The following OLFML1 variants were observed in gnomAD, a reference collection of about 807,000 sequenced individuals.
The protein encoded by OLFML1 is olfactomedin-like protein 1.
OLFML1 carries 33 observed loss-of-function variants against 37.3 expected under a neutral mutation model. The ratio of observed to expected loss-of-function variants is 0.88; its 90% CI spans 0.67 to 1.18. The LOEUF (loss-of-function observed/expected upper bound fraction) is 1.18. Among genes scored for constraint, OLFML1 ranks in the 50% most tolerant of loss-of-function variants. The pLI is 0.00. For synonymous variants in OLFML1, 186 were observed against 181.3 expected (o/e 1.03, Z -0.21); for missense variants, 545 against 483.7 (o/e 1.13, Z -1.19).
chr11:7,490,133 G>C (rs900721511), intron 2 of OLFML1, among the ~76,000 whole-genome samples: 46 of 74,738 alleles, frequency 6.2e-4, no homozygotes, highest in Admixed American at 3.9e-3. Flanking sequence ...AGGCTTTGGT[G>C]GGGGGGGGGG....
intron 2 of OLFML1, among the ~76,000 whole-genome samples, chr11:7,494,377 C>T (rs1165703067): frequency 6.6e-6 from 1 of 152,238 alleles, no homozygotes; most frequent in Non-Finnish European, 1.5e-5. Context: ...ATGTACCACA[C>T]ATAATCCTTA....
At chr11:7,488,755 T>C (rs145385207) in intron 2 of OLFML1, 267 of 184,856 alleles carry the variant, frequency 1.4e-3, no homozygotes, top group Non-Finnish European at 2.3e-3. Context: ...AGCAGTTTGG[T>C]GGATTCTACA....
At chr11:7,508,797 A>G (rs368800430) in intron 2 of OLFML1, among the ~76,000 whole-genome samples, 7 of 152,184 alleles carry the variant, frequency 4.6e-5, no homozygotes, top group African/African-American at 9.7e-5. Context: ...TTTTATCCTC[A>G]ATACTTAGCA....
chr11:7,487,805 G>A (rs1848542350), intron 1 of OLFML1, among the ~76,000 whole-genome samples: 1 of 151,918 alleles, frequency 6.6e-6, no homozygotes, highest in Non-Finnish European at 1.5e-5. Context: ...TAAAGTTATG[G>A]TATAGGTATA....
chr11:7,506,240 A>T (rs1026807273), intron 2 of OLFML1, among the ~76,000 whole-genome samples: 2 of 152,166 alleles, frequency 1.3e-5, no homozygotes, highest in African/African-American at 4.8e-5. Context: ...AACAAAGGAG[A>T]AATTAAAGAT....
At chr11:7,495,357 AG>A (rs146080077) in intron 2 of OLFML1, among the ~76,000 whole-genome samples, 6,766 of 152,244 alleles carry the variant, frequency 0.044, 217 homozygotes, top group Non-Finnish European at 0.072. Context: ...TAACATATAA[AG>A]AAAGTCCTTT....
At chr11:7,509,334 C>G in intron 2 of OLFML1, 64 bp from the exon 3 acceptor site, 1 of 1,261,230 alleles carries the variant, frequency 7.9e-7, no homozygotes, top group African/African-American at 1.5e-5. Context: ...GCATGGGGAG[C>G]CTTCCAGAAA....
Position 7,487,272 on chromosome 11 carries a change from A to G in OLFML1, c.130-855A>G, listed in dbSNP as rs572361364. Among the ~76,000 whole-genome samples the G allele has an allele frequency of 2.0e-5, 3 of 152,342 alleles. No homozygotes were observed. In the South Asian group the frequency reaches 6.2e-4, roughly 32 times the overall value. On this transcript the variant is annotated intron_variant, in intron 1 of 2. Coordinates refer to ENST00000329293, the MANE Select transcript of OLFML1 (RefSeq NM_198474.4). ...CACTGTTGGCCAGCGCAGACACTTA[A>G]CAATACAGTGATAGCATTCCCAGCC...
At chr11:7,491,922 G>A (rs1274270891) in intron 2 of OLFML1, among the ~76,000 whole-genome samples, 1 of 152,154 alleles carries the variant, frequency 6.6e-6, no homozygotes, top group Non-Finnish European at 1.5e-5. Context: ...GCTTTTATGT[G>A]ATTCAGCCAG....
At chr11:7,486,150 C>T in intron 1 of OLFML1, 146 bp downstream of exon 1, 1 of 814,272 alleles carries the variant, frequency 1.2e-6, no homozygotes, top group Non-Finnish European at 1.9e-6. Context: ...TGCTCATAGT[C>T]TGGCAGTTTA....
chr11:7,498,808 C>T (rs143906802), intron 2 of OLFML1, among the ~76,000 whole-genome samples: 27 of 152,302 alleles, frequency 1.8e-4, no homozygotes, highest in Non-Finnish European at 3.1e-4. Context: ...TACCCTATCA[C>T]CCCATTTTTG....
chr11:7,503,090 T>G (rs990872598), intron 2 of OLFML1, among the ~76,000 whole-genome samples: 5 of 152,186 alleles, frequency 3.3e-5, no homozygotes, highest in African/African-American at 1.2e-4. Flanking sequence ...AGGTTAAGTT[T>G]GAAGACATCC....
At chr11:7,489,098 G>A (rs1848565009) in intron 2 of OLFML1, 1 of 152,172 alleles carries the variant, frequency 6.6e-6, no homozygotes, top group Admixed American at 6.5e-5. Flanking sequence ...TGTATTCTGA[G>A]ATGTTTTCAT....
At chr11:7,489,234 T>C (rs1848567050) in intron 2 of OLFML1, among the ~76,000 whole-genome samples, 1 of 152,168 alleles carries the variant, frequency 6.6e-6, no homozygotes, top group Non-Finnish European at 1.5e-5. Context: ...CTTCTCAATG[T>C]AATCCTTCTA....
At position 7,509,972 on chromosome 11, in the gene OLFML1, C is replaced by T. The variant is rs1397314769; in HGVS notation, c.993C>T (p.Tyr331=). Residue 331 remains tyrosine, a synonymous_variant, in exon 3 of 3, where the codon TAC becomes TAT. Transcript: ENST00000329293. ...TGTGTGGGGTTCTCTATGTGGTCTA[C>T]AGTACTGGGGGCCAGGGCCCTCATC... ...FLLCGVLYVV[Y]STGGQGPHRI... The T allele has an allele frequency of 6.2e-7, 1 of 1,614,232 alleles. No individual in the cohort carries two copies. Among genetic ancestry groups the T allele is most frequent in the Non-Finnish European group, 8.5e-7 (1 of 1,180,042 alleles).
At chr11:7,507,079 G>A (rs1418234798) in intron 2 of OLFML1, among the ~76,000 whole-genome samples, 2 of 152,294 alleles carry the variant, frequency 1.3e-5, no homozygotes, top group African/African-American at 4.8e-5. Context: ...CTGGAGAATT[G>A]CCAATGATTT....
chr11:7,488,448 A>G, intron 2 of OLFML1, 33 bp downstream of exon 2: 2 of 1,550,132 alleles, frequency 1.3e-6, no homozygotes, highest in Non-Finnish European at 1.8e-6. Context: ...TAGCCCTTCT[A>G]GGGACTATTA....
At chr11:7,490,004 G>A (rs1038572143) in intron 2 of OLFML1, among the ~76,000 whole-genome samples, 2 of 151,896 alleles carry the variant, frequency 1.3e-5, no homozygotes, top group Non-Finnish European at 2.9e-5. Context: ...GTTCAATGCT[G>A]TGTCTCCAGT....
chr11:7,503,633 G>A (rs1250326585), intron 2 of OLFML1, among the ~76,000 whole-genome samples: 1 of 152,212 alleles, frequency 6.6e-6, no homozygotes, highest in East Asian at 1.9e-4. Context: ...TTAATATAAA[G>A]TGGAAGAGAG....
Sources: allele counts gnomAD v4.1 joint callset (sites outside exome capture counted in the v4.1 genomes callset), GRCh38; gene constraint gnomAD v4.1.1; transcripts MANE v1.5; gene names NCBI Gene and HGNC (gene_info 2026-07-23, HGNC 2026-07-21).